Variants in LGSN observed in about 807,000 individuals in gnomAD.
LGSN encodes lengsin.
In LGSN, 21 loss-of-function variants were observed where a neutral mutation model predicts 19.5. The observed-to-expected ratio is 1.07, with a 90% CI of 0.76 to 1.55. The LOEUF (loss-of-function observed/expected upper bound fraction) is 1.55. Among genes scored for constraint, LGSN ranks in the 40% most tolerant of loss-of-function variants. The probability of loss-of-function intolerance (pLI) is 0.00; values close to 1 mark genes in which losing one functional copy is unlikely to be tolerated. For synonymous variants in LGSN, 257 were observed against 215.6 expected, an observed-to-expected ratio of 1.19 and a Z score of -1.68; for missense variants, 673 against 608.5, an observed-to-expected ratio of 1.11 and a Z score of -1.12.
At chr6:63,381,106 G>T in the LGSN span, among the ~76,000 whole-genome samples, 6 of 152,208 alleles carry the variant, frequency 3.9e-5, no homozygotes, top group Non-Finnish European at 8.8e-5. Context: ...GGAGACTGAG[G>T]TGGGAGAATC....
At chr6:63,515,648 A>C in the LGSN span, among the ~76,000 whole-genome samples, 1 of 152,236 alleles carries the variant, frequency 6.6e-6, no homozygotes, top group Non-Finnish European at 1.5e-5. Flanking sequence ...TTGATTTATT[A>C]ATTCATATTC....
the LGSN span, among the ~76,000 whole-genome samples, chr6:63,446,057 C>G: frequency 6.6e-6 from 1 of 151,950 alleles, no homozygotes; most frequent in African/African-American, 2.4e-5. Context: ...GAGACCAGCC[C>G]AGCCAATACG....
the LGSN span, among the ~76,000 whole-genome samples, chr6:63,362,095 C>A: frequency 6.6e-6 from 1 of 152,188 alleles, no homozygotes; most frequent in African/African-American, 2.4e-5. Context: ...GGGCTGTCAT[C>A]ACTTATGATA....
chr6:63,506,048 CT>C, the LGSN span, among the ~76,000 whole-genome samples: 1 of 152,150 alleles, frequency 6.6e-6, no homozygotes, highest in Non-Finnish European at 1.5e-5. Flanking sequence ...AGTTGTTTAA[CT>C]TTAGACTCAT....
chr6:63,562,609 A>C, the LGSN span, among the ~76,000 whole-genome samples: 1 of 152,254 alleles, frequency 6.6e-6, no homozygotes, highest in Admixed American at 6.5e-5. Flanking sequence ...GAGTATTCTA[A>C]TAAATTCAAC....
the LGSN span, among the ~76,000 whole-genome samples, chr6:63,422,797 G>C: frequency 6.6e-6 from 1 of 151,898 alleles, no homozygotes; most frequent in Non-Finnish European, 1.5e-5. Flanking sequence ...AAGAAAAATA[G>C]AGACACAAAA....
the LGSN span, among the ~76,000 whole-genome samples, chr6:63,455,670 C>G: frequency 1.3e-5 from 2 of 152,134 alleles, no homozygotes; most frequent in African/African-American, 2.4e-5. Context: ...AGGAGAATCA[C>G]TAGAACCCGG....
the LGSN span, among the ~76,000 whole-genome samples, chr6:63,463,036 T>C: frequency 6.6e-6 from 1 of 152,198 alleles, no homozygotes. Context: ...CTTTCTCTTC[T>C]GATAGGAGAG....
At chr6:63,456,532 T>G in the LGSN span, among the ~76,000 whole-genome samples, 2 of 151,440 alleles carry the variant, frequency 1.3e-5, no homozygotes, top group Non-Finnish European at 2.9e-5. Flanking sequence ...GATCTTCTTG[T>G]TTGCCTCAGT....
intron 1 of LGSN, among the ~76,000 whole-genome samples, chr6:63,299,170 T>C (rs1384834196): frequency 6.6e-6 from 1 of 152,198 alleles, no homozygotes; most frequent in African/African-American, 2.4e-5. Context: ...AGACTGCCTA[T>C]TGAACTAAAT....
At chr6:63,530,457 T>C in the LGSN span, among the ~76,000 whole-genome samples, 2 of 152,118 alleles carry the variant, frequency 1.3e-5, no homozygotes, top group African/African-American at 2.4e-5. Context: ...TAGGTAAACA[T>C]GAAGGCTTAG....
the LGSN span, among the ~76,000 whole-genome samples, chr6:63,544,551 A>T: frequency 2.5e-4 from 38 of 152,292 alleles, no homozygotes; most frequent in African/African-American, 8.9e-4. Flanking sequence ...CATCCTTTAT[A>T]GTAAAATAAA....
At chr6:63,539,054 G>A in the LGSN span, among the ~76,000 whole-genome samples, 43 of 151,914 alleles carry the variant, frequency 2.8e-4, no homozygotes, top group Admixed American at 1.4e-3. Flanking sequence ...CACCATACCC[G>A]GCTAATTTGT....
At chr6:63,467,353 G>T in the LGSN span, among the ~76,000 whole-genome samples, 4 of 148,958 alleles carry the variant, frequency 2.7e-5, no homozygotes, top group Admixed American at 1.3e-4. Flanking sequence ...TAAACTTCAC[G>T]TTTGCCTCTG....
At chr6:63,487,295 C>T in the LGSN span, among the ~76,000 whole-genome samples, 4 of 152,094 alleles carry the variant, frequency 2.6e-5, no homozygotes, top group African/African-American at 9.7e-5. Flanking sequence ...GATCAGGAAA[C>T]AAATCTGCCT....
chr6:63,488,360 ATT>A, the LGSN span, among the ~76,000 whole-genome samples: 1 of 152,110 alleles, frequency 6.6e-6, no homozygotes, highest in Non-Finnish European at 1.5e-5. Flanking sequence ...CTGCTAGGTA[ATT>A]TGCCCAGCAT....
the LGSN span, among the ~76,000 whole-genome samples, chr6:63,355,504 A>G: frequency 1.0e-3 from 155 of 152,330 alleles, no homozygotes; most frequent in Middle Eastern, 3.4e-3. Flanking sequence ...TTAAAACAAC[A>G]GAAATTTATT....
chr6:63,493,991 C>A, the LGSN span, among the ~76,000 whole-genome samples: 1 of 150,756 alleles, frequency 6.6e-6, no homozygotes, highest in African/African-American at 2.4e-5. Context: ...GCTCTGTCGC[C>A]CAGGCTGGAG....
the LGSN span, among the ~76,000 whole-genome samples, chr6:63,452,614 G>T: frequency 6.6e-6 from 1 of 151,100 alleles, no homozygotes; most frequent in Non-Finnish European, 1.5e-5. Context: ...GAAATGTAAT[G>T]ATGTCCCCGA....
Sources: gnomAD v4.1 joint callset for allele counts (sites outside exome capture counted in the v4.1 genomes callset) on GRCh38, gnomAD v4.1.1 for gene constraint, MANE v1.5 for transcripts, NCBI Gene and HGNC (gene_info 2026-07-23, HGNC 2026-07-21) for gene names.